PAN2: variants seen among roughly 807,000 people sequenced by gnomAD.
PAN2 encodes poly(A) specific ribonuclease subunit PAN2, also known as PAN2-PAN3 deadenylation complex catalytic subunit PAN2.
Under a neutral mutation model 133.3 loss-of-function variants are expected in PAN2, and 68 were observed. The observed-to-expected ratio is 0.51, with a 90% CI of 0.42 to 0.62. PAN2 has a LOEUF of 0.62. PAN2 is among the 20% of genes least tolerant of loss of function. The pLI, the probability that PAN2 is intolerant of heterozygous loss-of-function variation, is 0.00. For synonymous variants in PAN2, 462 were observed against 544.6 expected, an observed-to-expected ratio of 0.85 and a Z score of 2.11; for missense variants, 1,042 against 1,500.5, an observed-to-expected ratio of 0.69 and a Z score of 5.05.
In PAN2 at chr12:56,319,610, T is replaced by C. The variant is rs1178126083; in HGVS notation, c.3090+11A>G. On this transcript the variant is annotated intron_variant, in intron 22 of 25. Coordinates refer to ENST00000440411, the MANE Select transcript of PAN2 (RefSeq NM_014871.6). The surrounding 1 kb of genome is among the most constrained non-coding windows in gnomAD (Gnocchi z 5.4). ...AGGGTGTGCCTCACTTGCATCTCCA[T>C]ATCCTAATACCTGCTCCTGGGTAGA... is the stretch of plus-strand genomic sequence containing the variant. 6.2e-7 allele frequency: 1 copy of C among 1,601,828 alleles called. No homozygotes were observed. Among genetic ancestry groups the C allele is most frequent in the Admixed American group, 1.7e-5 (1 of 58,420 alleles).
chr12:56,326,371 A>C lies in PAN2; in HGVS notation c.1301T>G (p.Met434Arg), dbSNP rs1396601761. The C allele has an allele frequency of 6.2e-7, 1 of 1,603,566 alleles. No homozygotes were observed. The highest frequency in any genetic ancestry group is 1.1e-5 in the South Asian group (1 of 89,802). Residue 434 changes from methionine (M) to arginine (R), a missense_variant, in exon 8 of 26, where the codon ATG becomes AGG. By Grantham distance (91) the Met-to-Arg change is moderately conservative. Around this residue, in one of 3 missense-constraint regions of PAN2, gnomAD observed 908 missense variants for 1,223.5 expected, o/e 0.74. Coordinates refer to ENST00000440411, the MANE Select transcript of PAN2 (RefSeq NM_014871.6). ...ATAGCCAATGAAGCCCACCTTCTTC[A>C]TGGTGCGCAGAATCTCTGCATCCAC... is the stretch of plus-strand genomic sequence containing the variant. ...PPVDAEILRT[M>R]KKVGFIGYAP...
At chr12:56,332,626 C>T in intron 2 of PAN2, 187 bp downstream of exon 2, 1 of 568,584 alleles carries the variant, frequency 1.8e-6, no homozygotes, top group South Asian at 2.4e-5. Flanking sequence ...AAAAGGGATG[C>T]CTCCTGAGAA....
At chr12:56,317,701 C>T in intron 25 of PAN2, 58 bp from the exon 26 acceptor site, 1 of 1,445,698 alleles carries the variant, frequency 6.9e-7, no homozygotes, top group East Asian at 2.3e-5. Context: ...AGCATCTTCT[C>T]ATACTTCCTA....
At chr12:56,330,778 T>G (rs959937060) in intron 2 of PAN2, among the ~76,000 whole-genome samples, 5 of 152,010 alleles carry the variant, frequency 3.3e-5, no homozygotes, top group African/African-American at 1.2e-4. Context: ...CAGGTGCCAC[T>G]GTGCCTGGCC....
chr12:56,322,921 G>A, intron 17 of PAN2, 141 bp downstream of exon 17: 1 of 1,294,366 alleles, frequency 7.7e-7, no homozygotes. Flanking sequence ...GAGTGACTAT[G>A]GAAAATCCCC....
Position 56,322,646 on chromosome 12 carries a change from T to C in PAN2, c.2606A>G (p.Lys869Arg), listed in dbSNP as rs760169560. The C allele has an allele frequency of 6.2e-7, 1 of 1,614,132 alleles. No individual in the cohort carries two copies. The highest frequency in any genetic ancestry group is 8.5e-7 in the Non-Finnish European group (1 of 1,180,012). ...GCGCTGGTGGTAGGTCTCTCCAACTTTGATGTGAGCCACCAGGCTGCCCCC... is the reference window on the plus strand; with the variant it reads ...GCGCTGGTGGTAGGTCTCTCCAACTCTGATGTGAGCCACCAGGCTGCCCCC... Reference protein sequence around the residue: ...RTGGSLVAHIKVGETYHQRKE... With the variant: ...RTGGSLVAHIRVGETYHQRKE... The change falls in exon 18 of 26, where the codon AAA becomes AGA. Residue 869 changes from lysine (K) to arginine (R), a missense_variant. Around this residue, in one of 3 missense-constraint regions of PAN2, gnomAD observed 908 missense variants for 1,223.5 expected, o/e 0.74. Coordinates refer to ENST00000440411, the MANE Select transcript of PAN2 (RefSeq NM_014871.6).
At chr12:56,327,190 A>G (rs553791138) in intron 6 of PAN2, among the ~76,000 whole-genome samples, 174 bp downstream of exon 6, 1 of 152,330 alleles carries the variant, frequency 6.6e-6, no homozygotes, top group East Asian at 1.9e-4. Flanking sequence ...CATGTTCCTC[A>G]TATTCAAGAA....
chr12:56,331,475 G>C (rs1314183659), intron 2 of PAN2, among the ~76,000 whole-genome samples: 1 of 152,110 alleles, frequency 6.6e-6, no homozygotes, highest in African/African-American at 2.4e-5. Context: ...TTTTCACACT[G>C]GCGCTTAGTA....
chr12:56,323,903 C>T lies in PAN2; in HGVS notation c.2076G>A (p.Gly692=), dbSNP rs768032355. Residue 692 remains glycine (G), a synonymous_variant, in exon 14 of 26, where the codon GGG becomes GGA. Coordinates refer to ENST00000440411, the MANE Select transcript of PAN2 (RefSeq NM_014871.6). ...FTLSYPDDKT[G]KNYDFAQVLK... Reference sequence around the variant, plus strand: ...GCACCTGAGCAAAGTCATAGTTCTTCCCAGTTTTATCTGAGGGAAAATTAG... The same window carrying T: ...GCACCTGAGCAAAGTCATAGTTCTTTCCAGTTTTATCTGAGGGAAAATTAG... 3.1e-6 allele frequency: 5 copies of T among 1,613,750 alleles called. No individual in the cohort carries two copies. In the Admixed American group the frequency reaches 5.0e-5, roughly 16 times the overall value.
At position 56,323,387 on chromosome 12, in the gene PAN2, G is replaced by A; in HGVS notation, c.2272-3C>T. ...TTTACTGCCATCTTGAAGGCAACCT[G>A]AACACAGAAGAAAAACATCCAGTTC... On this transcript the variant is annotated splice_polypyrimidine_tract_variant and splice_region_variant and intron_variant, in intron 15 of 25. Coordinates refer to ENST00000440411, the MANE Select transcript of PAN2 (RefSeq NM_014871.6). The A allele has an allele frequency of 6.2e-7, 1 of 1,612,942 alleles. No individual in the cohort carries two copies. The highest frequency in any genetic ancestry group is 8.5e-7 in the Non-Finnish European group (1 of 1,179,690).
chr12:56,327,047 A>G (rs1210473318), intron 6 of PAN2, 88 bp from the exon 7 acceptor site: 3 of 1,142,544 alleles, frequency 2.6e-6, no homozygotes, highest in East Asian at 2.5e-5. Context: ...CCCTGATTTC[A>G]GGACAAGATG....
chr12:56,327,303 C>CG, intron 6 of PAN2, 61 bp downstream of exon 6: 1 of 1,559,744 alleles, frequency 6.4e-7, no homozygotes. Flanking sequence ...AGTACTCCTT[C>CG]GGGTTCTAGC....
intron 20 of PAN2, among the ~76,000 whole-genome samples, chr12:56,320,505 G>A (rs563569571): frequency 1.3e-5 from 2 of 152,122 alleles, no homozygotes; most frequent in African/African-American, 2.4e-5. Flanking sequence ...TTAGCCGGGC[G>A]TGGTGGCACA....
chr12:56,322,208 C>A (rs766883485), intron 19 of PAN2, 40 bp from the exon 20 acceptor site: 1 of 1,325,746 alleles, frequency 7.5e-7, no homozygotes, highest in Admixed American at 1.8e-5. Context: ...ATGTATATCA[C>A]CCTTTTCCTT....
intron 18 of PAN2, 40 bp downstream of exon 18, chr12:56,322,574 GC>G: frequency 6.2e-7 from 1 of 1,611,880 alleles, no homozygotes; most frequent in Non-Finnish European, 8.5e-7. Flanking sequence ...ACTCACTGTG[GC>G]CATCCCAGGA....
intron 20 of PAN2, 42 bp from the exon 21 acceptor site, chr12:56,320,063 A>G (rs924308221): frequency 7.5e-6 from 12 of 1,604,186 alleles, no homozygotes; most frequent in African/African-American, 1.3e-5. Flanking sequence ...TGGATAGGGA[A>G]GTGACTAGGG....
In PAN2 at chr12:56,319,575, A is replaced by G. The variant is rs1565631520; in HGVS notation, c.3090+46T>C. ...CTTCCCTGGGTTCTTGAGCACTGTA[A>G]GTAAGCACCAGGGTGTGCCTCACTT... On this transcript the variant is annotated intron_variant, in intron 22 of 25. Transcript: ENST00000440411. The surrounding 1 kb of genome is among the most constrained non-coding windows in gnomAD (Gnocchi z 5.4). The G allele has an allele frequency of 1.1e-5, 17 of 1,589,936 alleles. No individual in the cohort carries two copies. Among genetic ancestry groups the G allele is most frequent in the Non-Finnish European group, 1.4e-5 (16 of 1,168,112 alleles).
chr12:56,327,912 CCA>C, intron 5 of PAN2, 81 bp downstream of exon 5: 1 of 1,590,174 alleles, frequency 6.3e-7, no homozygotes, highest in Non-Finnish European at 8.6e-7. Flanking sequence ...CAACTACACC[CCA>C]GAGTTAAGGG....
Position 56,328,238 on chromosome 12 carries a change from C to A in PAN2, c.573G>T (p.Lys191Asn). 6.3e-7 allele frequency: 1 copy of A among 1,589,506 alleles called. No homozygotes were observed. Among genetic ancestry groups the A allele is most frequent in the South Asian group, 1.1e-5 (1 of 87,858 alleles). The change falls in exon 4 of 26, where the codon AAG becomes AAT. Residue 191 changes from lysine (K) to asparagine (N), a missense_variant and splice_region_variant. This residue lies in a region of PAN2 where 908 missense variants were observed against 1,223.5 expected (regional missense o/e 0.74). Coordinates refer to ENST00000440411, the MANE Select transcript of PAN2 (RefSeq NM_014871.6). ...GGTCTTTCTTGCCCCAAGCTTGTAC[C>A]TTCTGAGTCTCCTGGACAGTGTTAA... ...IDLNTVQETQ[K>N]YAVETPGVTI...
Sources: allele counts gnomAD v4.1 joint callset (sites outside exome capture counted in the v4.1 genomes callset), GRCh38; gene constraint gnomAD v4.1.1; regional missense constraint gnomAD v4.1.1; non-coding constraint Gnocchi (gnomAD v3.1); transcripts MANE v1.5; gene names NCBI Gene and HGNC (gene_info 2026-07-23, HGNC 2026-07-21).